Variants in NCOA4 observed in about 807,000 individuals in gnomAD.
NCOA4 encodes the protein nuclear receptor coactivator 4.
Under a neutral mutation model 69.5 loss-of-function variants are expected in NCOA4, and 31 were observed. The observed-to-expected ratio is 0.45, with a 90% confidence interval of 0.34 to 0.60. The LOEUF (loss-of-function observed/expected upper bound fraction) is 0.60, where lower values mean the gene tolerates loss of function less well. Among genes scored for constraint, NCOA4 ranks in the 20% least tolerant of loss-of-function variants. The pLI, the probability that NCOA4 is intolerant of heterozygous loss-of-function variation, is 0.02. For missense variants in NCOA4, 600 were observed against 719.2 expected (o/e 0.83, Z 1.90); for synonymous variants, 228 against 252.4 (o/e 0.90, Z 0.92).
chr10:46,021,360 G>C (rs894401538), intron 1 of NCOA4, among the ~76,000 whole-genome samples: 1 of 152,118 alleles, frequency 6.6e-6, no homozygotes, highest in Non-Finnish European at 1.5e-5. Flanking sequence ...TACATATGAA[G>C]CCACAAAAGC....
intron 5 of NCOA4, 96 bp from the exon 6 acceptor site, chr10:46,013,735 A>G: frequency 1.3e-6 from 1 of 799,350 alleles, no homozygotes. Flanking sequence ...AAGCATTACC[A>G]TTTCATTAGA....
chr10:46,025,394 C>A (rs1329130989), intron 1 of NCOA4, among the ~76,000 whole-genome samples: 4 of 152,202 alleles, frequency 2.6e-5, no homozygotes, highest in Non-Finnish European at 5.9e-5. Context: ...CCAATATCCT[C>A]TGGAAACAGA....
At position 46,016,559 on chromosome 10, in the gene NCOA4, A is replaced by G; in HGVS notation, c.122T>C (p.Ile41Thr). Residue 41 changes from isoleucine to threonine, a missense_variant, in exon 2 of 10, where the codon ATT (isoleucine) becomes ACT (threonine). By Grantham distance (89) the Ile-to-Thr change is moderately conservative (BLOSUM62 -1). Transcript: ENST00000581486. ...IGGVLRAEQQ[I>T]KDNLREVKAQ... ...TCACACCTCTCGCAAGTTATCTTTA[A>G]TTTGCTGTTCAGCCCGGAGAACTCC... 2.0e-6 allele frequency: 3 copies of G among 1,528,008 alleles called. No individual in the cohort carries two copies. In the South Asian group the frequency reaches 3.9e-5, roughly 20 times the overall value. The allele number at this position is 1,528,008 out of a possible 1,614,324, so 94.7% of individuals were successfully genotyped here. A position where few individuals can be genotyped will look rare whatever the true frequency, so the allele number is the denominator to read the frequency against.
At chr10:46,019,559 A>C (rs1839753137) in intron 1 of NCOA4, 1 of 978,242 alleles carries the variant, frequency 1.0e-6, no homozygotes, top group African/African-American at 1.8e-5. Flanking sequence ...GTTGCTTCAC[A>C]ATGTCAAAAC....
At chr10:46,007,060 GT>G (rs1468177339) in intron 9 of NCOA4, among the ~76,000 whole-genome samples, 1 of 152,096 alleles carries the variant, frequency 6.6e-6, no homozygotes, top group Admixed American at 6.5e-5. Context: ...CAAAAGCAAA[GT>G]TTTTTGTTGT....
At chr10:46,015,042 A>G (rs1051381751) in intron 3 of NCOA4, 84 bp downstream of exon 3, 65 of 1,596,460 alleles carry the variant, frequency 4.1e-5, no homozygotes, top group Middle Eastern at 1.7e-4. Flanking sequence ...TATCTGATCT[A>G]TATTAACACT....
intron 1 of NCOA4, among the ~76,000 whole-genome samples, chr10:46,029,449 A>G (rs1281101328): frequency 1.3e-5 from 2 of 152,218 alleles, no homozygotes; most frequent in African/African-American, 2.4e-5. Flanking sequence ...AGTACTTTAA[A>G]GTTTGGAAAT....
In NCOA4 at chr10:46,014,560, A is replaced by G; in HGVS notation, c.372-8T>C. On this transcript the variant is annotated splice_polypyrimidine_tract_variant and splice_region_variant and intron_variant, in intron 4 of 9. Transcript: ENST00000581486. Reference sequence around the variant, plus strand: ...AGGGTCAAACTGCCCAGTCTGGGGAAAAAAAAACAAAATTGGCTATTTTTA... The same window carrying G: ...AGGGTCAAACTGCCCAGTCTGGGGAGAAAAAAACAAAATTGGCTATTTTTA... The G allele has an allele frequency of 6.3e-7, 1 of 1,576,566 alleles. No individual in the cohort carries two copies.
chr10:46,009,394 T>C lies in NCOA4; in HGVS notation c.1839+17A>G, dbSNP rs782339648. 3.1e-6 allele frequency: 5 copies of C among 1,597,406 alleles called. No individual in the cohort carries two copies. The highest frequency in any genetic ancestry group is 3.4e-6 in the Non-Finnish European group (4 of 1,173,904). On this transcript the variant is annotated intron_variant, in intron 9 of 9. Coordinates refer to ENST00000581486, the MANE Select transcript of NCOA4 (RefSeq NM_001145263.2). ...AATAGCTATAATCTAATTTTCATGCTGGTGGCATGTACCCACCTGTAGAGG... is the reference window on the plus strand; with the variant it reads ...AATAGCTATAATCTAATTTTCATGCCGGTGGCATGTACCCACCTGTAGAGG...
Position 46,010,825 on chromosome 10 carries a change from G to C in NCOA4, c.1096C>G (p.Leu366Val), listed in dbSNP as rs1181746877. The change falls in exon 8 of 10, where the codon CTG (leucine) becomes GTG (valine). Residue 366 changes from leucine to valine, a missense_variant. By Grantham distance (32) the Leu-to-Val change is conservative. Coordinates refer to ENST00000581486, the MANE Select transcript of NCOA4 (RefSeq NM_001145263.2). ...KGVEIENLGN[L>V]KCLNDHLEAK... ...TCCAAGTGGTCATTCAGGCACTTCA[G>C]ATTGCCCAGGTTTTCAATCTCCACA... 1 of 1,613,930 alleles carries C rather than the reference G, an allele frequency of 6.2e-7. No homozygotes were observed. The highest frequency in any genetic ancestry group is 2.2e-5 in the East Asian group (1 of 44,878).
intron 1 of NCOA4, among the ~76,000 whole-genome samples, chr10:46,019,774 C>T (rs1839767271): frequency 6.6e-6 from 1 of 152,176 alleles, no homozygotes; most frequent in Non-Finnish European, 1.5e-5. Flanking sequence ...AGTTACAAAA[C>T]TGATTTTTCC....
chr10:46,016,958 G>A (rs1359853855), intron 1 of NCOA4, among the ~76,000 whole-genome samples: 1 of 152,120 alleles, frequency 6.6e-6, no homozygotes, highest in African/African-American at 2.4e-5. Context: ...TACACTAATT[G>A]TCCTGAATCA....
At chr10:46,016,519 A>G in intron 2 of NCOA4, 21 bp downstream of exon 2, 1 of 1,435,486 alleles carries the variant, frequency 7.0e-7, no homozygotes, top group Non-Finnish European at 9.3e-7. Flanking sequence ...AGACAACAGA[A>G]GAGAAAAGCA....
intron 1 of NCOA4, among the ~76,000 whole-genome samples, chr10:46,018,202 A>G (rs782475331): frequency 2.0e-5 from 3 of 152,242 alleles, no homozygotes; most frequent in Non-Finnish European, 4.4e-5. Context: ...AACACACAAG[A>G]CAAACATTAA....
intron 1 of NCOA4, among the ~76,000 whole-genome samples, chr10:46,017,008 A>T (rs781832165): frequency 1.3e-5 from 2 of 152,234 alleles, no homozygotes; most frequent in Non-Finnish European, 2.9e-5. Flanking sequence ...AGAACATTAG[A>T]ATATCATTTT....
At chr10:46,018,214 G>C (rs1304531062) in intron 1 of NCOA4, among the ~76,000 whole-genome samples, 1 of 152,190 alleles carries the variant, frequency 6.6e-6, no homozygotes, top group Non-Finnish European at 1.5e-5. Context: ...AAACATTAAA[G>C]CTGGAGGTAA....
At chr10:46,026,056 T>C (rs1214944945) in intron 1 of NCOA4, among the ~76,000 whole-genome samples, 1 of 152,188 alleles carries the variant, frequency 6.6e-6, no homozygotes, top group African/African-American at 2.4e-5. Flanking sequence ...GACAAACGGA[T>C]GAATATATGA....
intron 1 of NCOA4, chr10:46,022,672 AGCCAGGATG>A (rs1554924718): frequency 3.3e-6 from 1 of 306,822 alleles, no homozygotes; most frequent in African/African-American, 2.2e-5. Context: ...TCACCGTGTT[AGCCAGGATG>A]GTCTCGATCT....
In NCOA4 at chr10:46,006,240, C is replaced by T. The variant is rs1309043019; in HGVS notation, c.*352G>A. On this transcript the variant is annotated 3_prime_UTR_variant, in exon 10 of 10. Transcript: ENST00000581486. ...AGCTTTAGAATACATCAATATACTT[C>T]GATAAACAAGAGTGTTTTAATGTAC... is the stretch of plus-strand genomic sequence containing the variant. 2 of 329,442 alleles carry T rather than the reference C, an allele frequency of 6.1e-6. No homozygotes were observed. Among genetic ancestry groups the T allele is most frequent in the East Asian group, 4.3e-5 (1 of 23,070 alleles). The allele number at this position is 329,442 out of a possible 1,614,324, so 20.4% of individuals were successfully genotyped here.
Sources: allele counts gnomAD v4.1 joint callset (sites outside exome capture counted in the v4.1 genomes callset), GRCh38; gene constraint gnomAD v4.1.1; transcripts MANE v1.5; gene names NCBI Gene and HGNC (gene_info 2026-07-23, HGNC 2026-07-21).